The following COL13A1 variants were observed in gnomAD, a reference collection of about 807,000 sequenced individuals.
COL13A1 encodes collagen alpha-1(XIII) chain.
Under a neutral mutation model 130.9 loss-of-function variants are expected in COL13A1, and 89 were observed. The ratio of observed to expected loss-of-function variants is 0.68; its 90% CI spans 0.57 to 0.81. The LOEUF (loss-of-function observed/expected upper bound fraction) is 0.81. COL13A1 is among the 30% of genes least tolerant of loss of function. The probability of loss-of-function intolerance (pLI) is 0.00; values close to 1 mark genes in which losing one functional copy is unlikely to be tolerated. For synonymous variants in COL13A1, 402 were observed against 341.6 expected, an observed-to-expected ratio of 1.18 and a Z score of -1.95; for missense variants, 879 against 934.6, an observed-to-expected ratio of 0.94 and a Z score of 0.78.
chr10:69,840,606 G>C (rs897699467), intron 2 of COL13A1, among the ~76,000 whole-genome samples: 2 of 152,232 alleles, frequency 1.3e-5, no homozygotes, highest in East Asian at 3.9e-4. Flanking sequence ...CTTGAGTGAG[G>C]TAAGTTTAGG....
chr10:69,909,532 G>A lies in COL13A1; in HGVS notation c.921+3710G>A, dbSNP rs185851824. On this transcript the variant is annotated intron_variant, in intron 17 of 40. Transcript: ENST00000645393. Reference sequence around the variant, plus strand: ...GTCTGGGCACCCTTTCCTCTGTTCTGGCCTTTACTCTGCTGGGACCCTTAT... The same window carrying A: ...GTCTGGGCACCCTTTCCTCTGTTCTAGCCTTTACTCTGCTGGGACCCTTAT... 3.5e-3 allele frequency among the ~76,000 whole-genome samples: 539 copies of A among 152,234 alleles called. 6 individuals carry two copies. The highest frequency in any genetic ancestry group is 0.013 in the African/African-American group (525 of 41,528).
At chr10:69,953,144 C>G (rs997531836) in intron 39 of COL13A1, among the ~76,000 whole-genome samples, 176 bp downstream of exon 39, 2 of 152,216 alleles carry the variant, frequency 1.3e-5, no homozygotes, top group Non-Finnish European at 2.9e-5. Context: ...TGCTTTGTAA[C>G]CACAGCTGCA....
intron 2 of COL13A1, among the ~76,000 whole-genome samples, chr10:69,840,001 A>G (rs1851166686): frequency 6.6e-6 from 1 of 152,212 alleles, no homozygotes; most frequent in Non-Finnish European, 1.5e-5. Context: ...AGAGGAGCCA[A>G]TAGGTGTCCT....
intron 17 of COL13A1, among the ~76,000 whole-genome samples, chr10:69,911,151 C>T (rs2063337731): frequency 6.6e-6 from 1 of 152,212 alleles, no homozygotes. Flanking sequence ...GAAGCCCACC[C>T]ACCCAGCCAT....
intron 2 of COL13A1, among the ~76,000 whole-genome samples, chr10:69,858,373 C>T (rs549203940): frequency 1.3e-5 from 2 of 152,308 alleles, no homozygotes; most frequent in East Asian, 1.9e-4. Flanking sequence ...TTATTACCCC[C>T]ATTTTATAGA....
In COL13A1 at chr10:69,924,993, C is replaced by T; in HGVS notation, c.1315C>T (p.Pro439Ser). 12 of 1,589,518 alleles carry T rather than the reference C, an allele frequency of 7.5e-6. No homozygotes were observed. The highest frequency in any genetic ancestry group is 1.0e-5 in the Non-Finnish European group (12 of 1,168,448). ...GCGTGGAGCAGCTGGAGAACAGGGA[C>T]CAGATGGCCCCAAGGTATGTGCCTC... is the stretch of plus-strand genomic sequence containing the variant. ...GERGAAGEQG[P>S]DGPKGSKGEP... Residue 439 changes from proline to serine, a missense_variant, in exon 25 of 41, where the codon CCA becomes TCA. Transcript: ENST00000645393.
At chr10:69,842,092 T>C (rs1345518882) in intron 2 of COL13A1, among the ~76,000 whole-genome samples, 1 of 152,224 alleles carries the variant, frequency 6.6e-6, no homozygotes, top group Non-Finnish European at 1.5e-5. Context: ...TCTTGAATTG[T>C]AGCTCCCATA....
In COL13A1 at chr10:69,894,678, C is replaced by A. The variant is rs1432195560; in HGVS notation, c.634C>A (p.Pro212Thr). 1.9e-6 allele frequency: 3 copies of A among 1,613,980 alleles called. No individual in the cohort carries two copies. Among genetic ancestry groups the A allele is most frequent in the South Asian group, 2.2e-5 (2 of 91,078 alleles). Residue 212 changes from proline (P) to threonine (T), a missense_variant, in exon 12 of 41, where the codon CCC (proline) becomes ACC (threonine). Transcript: ENST00000645393. ...GLTGPPGQPGPQGQKGEKGQC... is the reference protein window; with the variant it reads ...GLTGPPGQPGTQGQKGEKGQC... Reference sequence around the variant, plus strand: ...TCTCATCTCCGTCTCTTTGTAGGGACCCCAGGGACAAAAAGGAGAAAAGGT... The same window carrying A: ...TCTCATCTCCGTCTCTTTGTAGGGAACCCAGGGACAAAAAGGAGAAAAGGT...
intron 2 of COL13A1, among the ~76,000 whole-genome samples, chr10:69,841,834 G>A (rs1015966473): frequency 3.3e-5 from 5 of 152,216 alleles, no homozygotes; most frequent in African/African-American, 1.2e-4. Flanking sequence ...GCAGTGGGAA[G>A]GGAGGATGAG....
intron 1 of COL13A1, among the ~76,000 whole-genome samples, chr10:69,805,851 C>G (rs1295368219): frequency 6.6e-6 from 1 of 152,198 alleles, no homozygotes; most frequent in African/African-American, 2.4e-5. Flanking sequence ...CAGGAGAATT[C>G]AGAGACAAGA....
chr10:69,872,515 C>T (rs1589212226), intron 4 of COL13A1, among the ~76,000 whole-genome samples: 1 of 152,204 alleles, frequency 6.6e-6, no homozygotes, highest in South Asian at 2.1e-4. Context: ...ATGACCCTAC[C>T]ATGAGCAGCT....
chr10:69,948,448 A>T (rs1189425230), intron 38 of COL13A1, among the ~76,000 whole-genome samples: 1 of 152,142 alleles, frequency 6.6e-6, no homozygotes, highest in Admixed American at 6.5e-5. Context: ...TCTATAAACA[A>T]GAGGGAGCAG....
chr10:69,892,433 A>T (rs2061269968), intron 10 of COL13A1, among the ~76,000 whole-genome samples: 1 of 152,152 alleles, frequency 6.6e-6, no homozygotes, highest in Non-Finnish European at 1.5e-5. Context: ...TGTTGGGAGG[A>T]CACAGTTGTA....
intron 7 of COL13A1, among the ~76,000 whole-genome samples, chr10:69,881,583 T>C (rs962489429): frequency 1.3e-5 from 2 of 152,058 alleles, no homozygotes; most frequent in African/African-American, 2.4e-5. Context: ...TAGAGCCAGT[T>C]TGAGAAGGAG....
chr10:69,818,783 T>C (rs577975688), intron 1 of COL13A1, among the ~76,000 whole-genome samples: 1 of 152,340 alleles, frequency 6.6e-6, no homozygotes, highest in African/African-American at 2.4e-5. Flanking sequence ...TCTACCTTGT[T>C]CTACTCAGGC....
chr10:69,930,149 T>C, intron 29 of COL13A1, 62 bp downstream of exon 29: 1 of 1,555,190 alleles, frequency 6.4e-7, no homozygotes, highest in Admixed American at 1.7e-5. Context: ...GGGCAGGAGG[T>C]CGGGCAGGAA....
rs186883271 is a variant in COL13A1 at position 69,951,725 on chromosome 10, C to T, written c.2059-1157C>T. On this transcript the variant is annotated intron_variant, in intron 38 of 40. Transcript: ENST00000645393. ...CATTTTACAGGTAAAGAAACTAAGG[C>T]TCAAAGAAGTAACTTCACAAAGTCA... Among the ~76,000 whole-genome samples the T allele has an allele frequency of 7.8e-4, 118 of 152,238 alleles. 1 individual carries two copies. Among genetic ancestry groups the T allele is most frequent in the African/African-American group, 2.8e-3 (115 of 41,544 alleles).
intron 39 of COL13A1, among the ~76,000 whole-genome samples, chr10:69,953,638 T>G (rs1217726991): frequency 6.6e-6 from 1 of 152,222 alleles, no homozygotes; most frequent in South Asian, 2.1e-4. Context: ...TTGAATCCAT[T>G]TGAAGGTTCT....
intron 2 of COL13A1, among the ~76,000 whole-genome samples, chr10:69,834,707 C>T (rs1310179742): frequency 6.6e-6 from 1 of 152,118 alleles, no homozygotes; most frequent in Non-Finnish European, 1.5e-5. Flanking sequence ...AGCGCCTTTG[C>T]CCTCCGGACA....
Sources: gnomAD v4.1 joint callset for allele counts (sites outside exome capture counted in the v4.1 genomes callset) on GRCh38, gnomAD v4.1.1 for gene constraint, MANE v1.5 for transcripts, NCBI Gene and HGNC (gene_info 2026-07-23, HGNC 2026-07-21) for gene names.